CAMKMT: variants seen among roughly 807,000 people sequenced by gnomAD.
The protein encoded by CAMKMT is CaM KMT.
A neutral mutation model predicts 48.0 loss-of-function variants in CAMKMT; 53 were observed. That is an observed-to-expected ratio of 1.10 (90% CI 0.89 to 1.39). The LOEUF (loss-of-function observed/expected upper bound fraction) is 1.39, where lower values mean the gene tolerates loss of function less well. CAMKMT is among the 40% of genes most tolerant of loss of function. The pLI is 0.00. For missense variants in CAMKMT, 428 were observed against 402.7 expected, an observed-to-expected ratio of 1.06 and a Z score of -0.54; for synonymous variants, 165 against 152.3, an observed-to-expected ratio of 1.08 and a Z score of -0.61.
intron 3 of CAMKMT, among the ~76,000 whole-genome samples, chr2:44,490,529 C>A (rs1310519691): frequency 3.9e-5 from 6 of 152,200 alleles, no homozygotes; most frequent in African/African-American, 1.4e-4. Flanking sequence ...CCTGCCTCGG[C>A]CTCCCAAAGT....
intron 8 of CAMKMT, 45 bp downstream of exon 8, chr2:44,743,741 T>G (rs752486157): frequency 1.3e-6 from 2 of 1,486,858 alleles, no homozygotes; most frequent in Non-Finnish European, 1.9e-6. Flanking sequence ...AAAAAATAGC[T>G]TTGCTGGAGT....
chr2:44,764,690 C>G (rs528845188), intron 9 of CAMKMT, among the ~76,000 whole-genome samples: 1 of 152,320 alleles, frequency 6.6e-6, no homozygotes, highest in South Asian at 2.1e-4. Flanking sequence ...TCTTCAAATC[C>G]TTCACTGTAT....
At chr2:44,652,142 C>T (rs1674104363) in intron 3 of CAMKMT, among the ~76,000 whole-genome samples, 1 of 152,214 alleles carries the variant, frequency 6.6e-6, no homozygotes, top group African/African-American at 2.4e-5. Flanking sequence ...ACTCTACCCA[C>T]AGGCTGGAGA....
chr2:44,430,156 G>A (rs1039576996), intron 3 of CAMKMT, among the ~76,000 whole-genome samples: 2 of 151,942 alleles, frequency 1.3e-5, no homozygotes, highest in Non-Finnish European at 2.9e-5. Flanking sequence ...CTTGGTGGAA[G>A]CTAAAGAATA....
chr2:44,712,064 G>A (rs183766992), intron 6 of CAMKMT, among the ~76,000 whole-genome samples: 5 of 152,140 alleles, frequency 3.3e-5, no homozygotes, highest in Non-Finnish European at 7.4e-5. Context: ...TGCTAACAGA[G>A]TTTATAGTAC....
At chr2:44,503,061 G>A (rs879638544) in intron 3 of CAMKMT, among the ~76,000 whole-genome samples, 4 of 151,910 alleles carry the variant, frequency 2.6e-5, no homozygotes, top group Non-Finnish European at 4.4e-5. Context: ...TCTGTTCCAT[G>A]TTATTTTTCT....
At chr2:44,450,011 T>C (rs1667208159) in intron 3 of CAMKMT, among the ~76,000 whole-genome samples, 2 of 152,188 alleles carry the variant, frequency 1.3e-5, no homozygotes, top group Non-Finnish European at 2.9e-5. Flanking sequence ...GTGACTTGAA[T>C]GCTTCAACTT....
At chr2:44,512,821 A>T (rs947303395) in intron 3 of CAMKMT, among the ~76,000 whole-genome samples, 1 of 146,776 alleles carries the variant, frequency 6.8e-6, no homozygotes, top group African/African-American at 2.5e-5. Flanking sequence ...CTTAAGATAA[A>T]TGCAAACCAA....
chr2:44,523,740 G>C (rs952362890), intron 3 of CAMKMT, among the ~76,000 whole-genome samples: 4 of 151,330 alleles, frequency 2.6e-5, no homozygotes, highest in African/African-American at 9.7e-5. Flanking sequence ...GATTGTGCTG[G>C]GTTCAGAGAA....
At position 44,698,150 on chromosome 2, in the gene CAMKMT, GTAGT is replaced by G. The variant is rs1006671070; in HGVS notation, c.377-6128_377-6125del. On this transcript the variant is annotated intron_variant, in intron 3 of 10. Coordinates refer to ENST00000378494, the MANE Select transcript of CAMKMT (RefSeq NM_024766.5). ...CACATACCATACAATTCATCCAGTG[GTAGT>G]TAGTGTATTCACACACTTGTGCAAC... 5.3e-5 allele frequency among the ~76,000 whole-genome samples: 8 copies of G among 152,308 alleles called. No individual in the cohort carries two copies. The South Asian group carries it at 1.0e-3, about 20-fold the overall frequency.
intron 3 of CAMKMT, among the ~76,000 whole-genome samples, chr2:44,502,082 A>G (rs1270626392): frequency 6.6e-6 from 1 of 151,782 alleles, no homozygotes; most frequent in African/African-American, 2.4e-5. Context: ...TTAGCTGGAT[A>G]TGGTGGCAGG....
intron 3 of CAMKMT, among the ~76,000 whole-genome samples, chr2:44,448,987 G>C (rs956057281): frequency 3.2e-4 from 48 of 152,132 alleles, no homozygotes; most frequent in African/African-American, 1.2e-3. Flanking sequence ...GGAAACTAGG[G>C]AGTATGGACG....
At chr2:44,493,659 G>A (rs1389311482) in intron 3 of CAMKMT, among the ~76,000 whole-genome samples, 3 of 152,130 alleles carry the variant, frequency 2.0e-5, no homozygotes, top group African/African-American at 7.2e-5. Context: ...TTTTTGAAGT[G>A]TGACTAAACT....
intron 3 of CAMKMT, among the ~76,000 whole-genome samples, chr2:44,431,349 CAATTTT>C (rs1684638163): frequency 6.6e-6 from 1 of 152,106 alleles, no homozygotes; most frequent in African/African-American, 2.4e-5. Context: ...CTTCCCAATT[CAATTTT>C]AAGTACCAAA....
chr2:44,396,475 G>A (rs1461072276), intron 3 of CAMKMT, among the ~76,000 whole-genome samples: 1 of 152,088 alleles, frequency 6.6e-6, no homozygotes, highest in East Asian at 1.9e-4. Flanking sequence ...TTTCACAAGA[G>A]AAATAGCAAT....
At chr2:44,564,335 C>A (rs542699058) in intron 3 of CAMKMT, among the ~76,000 whole-genome samples, 2 of 151,714 alleles carry the variant, frequency 1.3e-5, no homozygotes, top group Non-Finnish European at 2.9e-5. Context: ...CCACTATGCC[C>A]GGCTAATTTT....
intron 7 of CAMKMT, among the ~76,000 whole-genome samples, chr2:44,738,594 A>G (rs573726987): frequency 7.2e-4 from 110 of 152,362 alleles, no homozygotes; most frequent in African/African-American, 2.5e-3. Context: ...AACAGCTATT[A>G]GGTGCTAGGG....
At chr2:44,744,196 G>A (rs1196096806) in intron 8 of CAMKMT, among the ~76,000 whole-genome samples, 1 of 152,090 alleles carries the variant, frequency 6.6e-6, no homozygotes, top group Non-Finnish European at 1.5e-5. Flanking sequence ...ATATATGTTT[G>A]CTATCTAATG....
At chr2:44,509,498 A>G (rs1402902508) in intron 3 of CAMKMT, among the ~76,000 whole-genome samples, 1 of 152,010 alleles carries the variant, frequency 6.6e-6, no homozygotes, top group Admixed American at 6.6e-5. Flanking sequence ...TTTTGTAGAG[A>G]TGGGGTTTCA....
Sources: allele counts gnomAD v4.1 joint callset (sites outside exome capture counted in the v4.1 genomes callset), GRCh38; gene constraint gnomAD v4.1.1; transcripts MANE v1.5; gene names NCBI Gene and HGNC (gene_info 2026-07-23, HGNC 2026-07-21).